Variants in TSPAN18 observed in about 807,000 individuals in gnomAD.
The protein encoded by TSPAN18 is tetraspanin-18.
A neutral mutation model predicts 27.3 loss-of-function variants in TSPAN18; 14 were observed. That is an observed-to-expected ratio of 0.51 (90% CI 0.34 to 0.80). TSPAN18 has a LOEUF of 0.80. Among genes scored for constraint, TSPAN18 ranks in the 30% least tolerant of loss-of-function variants. TSPAN18 has a pLI of 0.01. For missense variants in TSPAN18, 268 were observed against 323.9 expected (o/e 0.83, Z 1.32); for synonymous variants, 143 against 136.5 (o/e 1.05, Z -0.33).
At chr11:44,875,834 C>T (rs1858317218) in intron 3 of TSPAN18, among the ~76,000 whole-genome samples, 1 of 152,232 alleles carries the variant, frequency 6.6e-6, no homozygotes, top group Non-Finnish European at 1.5e-5. Flanking sequence ...CATCCGTGCC[C>T]TGGTGCCATA....
chr11:44,738,735 A>G (rs900843974), intron 1 of TSPAN18, among the ~76,000 whole-genome samples: 1 of 152,160 alleles, frequency 6.6e-6, no homozygotes, highest in Non-Finnish European at 1.5e-5. Flanking sequence ...ATTATAACTT[A>G]ATTGCCAAAA....
intron 8 of TSPAN18, among the ~76,000 whole-genome samples, chr11:44,920,202 G>C (rs1860075054): frequency 6.6e-6 from 1 of 152,188 alleles, no homozygotes; most frequent in African/African-American, 2.4e-5. Context: ...AACCAAAATG[G>C]GGAAGGATGA....
chr11:44,773,827 A>G (rs1590446262), intron 2 of TSPAN18, among the ~76,000 whole-genome samples: 3 of 152,200 alleles, frequency 2.0e-5, no homozygotes, highest in Admixed American at 2.0e-4. Context: ...CCCTGGGTCA[A>G]TAAGTATTTG....
chr11:44,905,889 G>A (rs990079872), intron 3 of TSPAN18, among the ~76,000 whole-genome samples: 3 of 152,168 alleles, frequency 2.0e-5, no homozygotes, highest in African/African-American at 7.2e-5. Flanking sequence ...CATCTCGCTG[G>A]CACCAAGCAA....
intron 3 of TSPAN18, among the ~76,000 whole-genome samples, chr11:44,880,385 C>T (rs1440384703): frequency 6.9e-6 from 1 of 145,364 alleles, no homozygotes; most frequent in Non-Finnish European, 1.6e-5. Context: ...GCTGCATAAC[C>T]CTGGTGAAGG....
intron 3 of TSPAN18, among the ~76,000 whole-genome samples, chr11:44,873,907 A>G (rs907817581): frequency 6.6e-6 from 1 of 152,170 alleles, no homozygotes; most frequent in South Asian, 2.1e-4. Context: ...CAGGGGGCTT[A>G]TATGATCTGG....
chr11:44,864,667 T>C (rs1319858343), intron 3 of TSPAN18, among the ~76,000 whole-genome samples: 1 of 152,202 alleles, frequency 6.6e-6, no homozygotes, highest in Non-Finnish European at 1.5e-5. Context: ...ATGGGGTGGA[T>C]TGCCAAGTCC....
chr11:44,908,394 G>A (rs1859535600), intron 4 of TSPAN18, among the ~76,000 whole-genome samples: 1 of 152,054 alleles, frequency 6.6e-6, no homozygotes, highest in African/African-American at 2.4e-5. Context: ...CCAAACTTTG[G>A]TTCTTCCCAC....
At chr11:44,912,803 G>GTGTTATGCATGCATGGT (rs1335711045) in intron 5 of TSPAN18, among the ~76,000 whole-genome samples, 1 of 152,088 alleles carries the variant, frequency 6.6e-6, no homozygotes, top group Admixed American at 6.6e-5. Context: ...GCATGCATGG[G>GTGTTATGCATGCATGGT]TGTTATACGT....
intron 1 of TSPAN18, among the ~76,000 whole-genome samples, chr11:44,728,476 G>T (rs1164942834): frequency 6.6e-6 from 1 of 152,120 alleles, no homozygotes; most frequent in Non-Finnish European, 1.5e-5. Context: ...AAGGCAGGAT[G>T]GGGGTCTTGG....
intron 2 of TSPAN18, among the ~76,000 whole-genome samples, chr11:44,823,614 G>A (rs1376271249): frequency 6.6e-6 from 1 of 152,158 alleles, no homozygotes; most frequent in African/African-American, 2.4e-5. Flanking sequence ...AAGCACACCA[G>A]ACTGGAAGAC....
intron 1 of TSPAN18, among the ~76,000 whole-genome samples, chr11:44,760,333 G>A (rs1020257063): frequency 6.6e-6 from 1 of 152,342 alleles, no homozygotes; most frequent in East Asian, 1.9e-4. Flanking sequence ...ACAGTAAGGA[G>A]GGTGAGCCCA....
At chr11:44,754,200 G>A (rs137966463) in intron 1 of TSPAN18, among the ~76,000 whole-genome samples, 49 of 152,306 alleles carry the variant, frequency 3.2e-4, no homozygotes, top group African/African-American at 1.2e-3. Flanking sequence ...GAGCAGGGAA[G>A]CATTACAAAG....
At chr11:44,862,247 G>A (rs1282510396) in intron 3 of TSPAN18, among the ~76,000 whole-genome samples, 4 of 152,216 alleles carry the variant, frequency 2.6e-5, no homozygotes, top group Non-Finnish European at 4.4e-5. Context: ...CCTCCGCCGC[G>A]GCAGCTCTGT....
At position 44,841,514 on chromosome 11, in the gene TSPAN18, TAA is replaced by T. The variant is rs11353014; in HGVS notation, c.-152-18802_-152-18801del. 2.3e-3 allele frequency among the ~76,000 whole-genome samples: 337 copies of T among 146,568 alleles called. 1 individual carries two copies. Among genetic ancestry groups the T allele is most frequent in the Middle Eastern group, 3.5e-3 (1 of 284 alleles). ...CTGGGCAAGAGCACGAAATTCCATC[TAA>T]AAAAAAAAAAAGACTGCATGTTGTA... On this transcript the variant is annotated intron_variant, in intron 2 of 9. Coordinates refer to ENST00000520358, the MANE Select transcript of TSPAN18 (RefSeq NM_130783.5).
At chr11:44,906,618 T>G in intron 4 of TSPAN18, 139 bp downstream of exon 4, 1 of 816,242 alleles carries the variant, frequency 1.2e-6, no homozygotes, top group Non-Finnish European at 2.0e-6. Context: ...CAGCCAGGCT[T>G]TCATGGAAGG....
At chr11:44,750,521 G>A (rs906709123) in intron 1 of TSPAN18, among the ~76,000 whole-genome samples, 2 of 152,142 alleles carry the variant, frequency 1.3e-5, no homozygotes, top group Non-Finnish European at 1.5e-5. Flanking sequence ...CACATGAGGC[G>A]GTATGTAGGG....
At position 44,764,746 on chromosome 11, in the gene TSPAN18, T is replaced by A. The variant is rs1283761745; in HGVS notation, c.-153+234T>A. On this transcript the variant is annotated intron_variant, in intron 2 of 9. Transcript: ENST00000520358. ...CCACCTTGGTGCAGGAAGTGAGTGT[T>A]GATGGATGGCAGGGAGTGAGCCCTT... Among the ~76,000 whole-genome samples, 5 of 152,230 alleles carry A rather than the reference T, an allele frequency of 3.3e-5. No individual in the cohort carries two copies. The East Asian group carries it at 9.7e-4, about 29-fold the overall frequency.
intron 2 of TSPAN18, among the ~76,000 whole-genome samples, chr11:44,858,486 C>T (rs1318882298): frequency 6.6e-6 from 1 of 152,194 alleles, no homozygotes; most frequent in East Asian, 1.9e-4. Context: ...AACTGAGGCC[C>T]CACGCAGGTG....
Sources: gnomAD v4.1 joint callset for allele counts (sites outside exome capture counted in the v4.1 genomes callset) on GRCh38, gnomAD v4.1.1 for gene constraint, MANE v1.5 for transcripts, NCBI Gene and HGNC (gene_info 2026-07-23, HGNC 2026-07-21) for gene names.